Variants in WDHD1 observed in about 807,000 individuals in gnomAD.
WDHD1 encodes the protein WD repeat and HMG-box DNA binding protein 1.
Under a neutral mutation model 135.4 loss-of-function variants are expected in WDHD1, and 111 were observed. The ratio of observed to expected loss-of-function variants is 0.82; its 90% CI spans 0.70 to 0.96. The LOEUF is 0.96. Among genes scored for constraint, WDHD1 ranks in the 40% least tolerant of loss-of-function variants. WDHD1 has a pLI of 0.00. For missense variants in WDHD1, 1,351 were observed against 1,336.3 expected, an observed-to-expected ratio of 1.01 and a Z score of -0.17; for synonymous variants, 434 against 439.0, an observed-to-expected ratio of 0.99 and a Z score of 0.14.
At chr14:54,951,485 C>A (rs914237069) in intron 24 of WDHD1, among the ~76,000 whole-genome samples, 4 of 152,134 alleles carry the variant, frequency 2.6e-5, no homozygotes, top group African/African-American at 7.2e-5. Context: ...ATAACAGGCT[C>A]TGAAATTGAG....
At chr14:54,994,336 C>A (rs1488969749) in intron 11 of WDHD1, among the ~76,000 whole-genome samples, 2 of 152,012 alleles carry the variant, frequency 1.3e-5, no homozygotes, top group Admixed American at 6.6e-5. Context: ...CATAATATTG[C>A]CATTATGCCT....
At chr14:54,996,993 T>C (rs529548532) in intron 10 of WDHD1, among the ~76,000 whole-genome samples, 4 of 151,958 alleles carry the variant, frequency 2.6e-5, no homozygotes, top group African/African-American at 4.8e-5. Context: ...GGTTTCACCA[T>C]GTTGGCCAGG....
At chr14:54,941,772 G>A in intron 25 of WDHD1, 82 bp from the exon 26 acceptor site, 1 of 1,239,456 alleles carries the variant, frequency 8.1e-7, no homozygotes. Flanking sequence ...ACTTTTCCAG[G>A]TAATATTTTT....
chr14:54,995,874 T>C, intron 10 of WDHD1, 61 bp from the exon 11 acceptor site: 1 of 1,350,022 alleles, frequency 7.4e-7, no homozygotes, highest in Non-Finnish European at 9.8e-7. Context: ...ACTCAATTAC[T>C]AAAAAGGTAA....
At chr14:54,979,790 A>G (rs1453015653) in intron 16 of WDHD1, among the ~76,000 whole-genome samples, 1 of 152,244 alleles carries the variant, frequency 6.6e-6, no homozygotes, top group Admixed American at 6.5e-5. Context: ...CCGTGAGGTA[A>G]CTATTATTGT....
rs185319770 is a variant in WDHD1 at position 54,944,176 on chromosome 14, G to A, written c.3189+156C>T. On this transcript the variant is annotated intron_variant, in intron 25 of 25. Transcript: ENST00000360586. ...GATGTCTCACTATGTTGCCCAGGCT[G>A]GTCACGAACTCCTGAGCTCAAGTGA... Among the ~76,000 whole-genome samples, 123 of 151,906 alleles carry A rather than the reference G, an allele frequency of 8.1e-4. No individual in the cohort carries two copies. The Middle Eastern group carries it at 0.017, about 21-fold the overall frequency.
At position 55,007,336 on chromosome 14, in the gene WDHD1, C is replaced by T. The variant is rs1191728848; in HGVS notation, c.544G>A (p.Asp182Asn). ...CAGATTGATTTTGCATTTATCACATCGTTGCATTTTTGTAGCAGTGGCCAA... is the reference window on the plus strand; with the variant it reads ...CAGATTGATTTTGCATTTATCACATTGTTGCATTTTTGTAGCAGTGGCCAA... ...ISWPLLQKCNDVINAKSICRL... is the reference protein window; with the variant it reads ...ISWPLLQKCNNVINAKSICRL... Residue 182 changes from aspartate to asparagine, a missense_variant, in exon 7 of 26, where the codon GAT becomes AAT. By Grantham distance (23) the Asp-to-Asn change is conservative (BLOSUM62 1). Coordinates refer to ENST00000360586, the MANE Select transcript of WDHD1 (RefSeq NM_007086.4). The T allele has an allele frequency of 1.7e-5, 28 of 1,606,422 alleles. No individual in the cohort carries two copies. Among genetic ancestry groups the T allele is most frequent in the Non-Finnish European group, 2.0e-5 (24 of 1,177,686 alleles).
intron 3 of WDHD1, among the ~76,000 whole-genome samples, chr14:55,011,209 C>T (rs1028160474): frequency 6.6e-6 from 1 of 152,114 alleles, no homozygotes; most frequent in Non-Finnish European, 1.5e-5. Flanking sequence ...GCAGTACATG[C>T]TCACTGAACA....
intron 16 of WDHD1, among the ~76,000 whole-genome samples, chr14:54,968,843 C>A (rs1024944442): frequency 1.3e-5 from 2 of 152,082 alleles, no homozygotes; most frequent in African/African-American, 2.4e-5. Context: ...AAGTTTGACA[C>A]CACCCTGGGC....
At chr14:54,952,324 C>T (rs1426910833) in intron 24 of WDHD1, among the ~76,000 whole-genome samples, 1 of 152,166 alleles carries the variant, frequency 6.6e-6, no homozygotes, top group Non-Finnish European at 1.5e-5. Flanking sequence ...GTGCAAAAAT[C>T]GCAAGCATTC....
chr14:55,000,759 A>G, intron 9 of WDHD1, 115 bp from the exon 10 acceptor site: 1 of 1,044,908 alleles, frequency 9.6e-7, no homozygotes, highest in Non-Finnish European at 1.3e-6. Context: ...TAATTTATAA[A>G]TAATATAAAT....
chr14:54,998,837 T>C (rs2041931525), intron 10 of WDHD1, among the ~76,000 whole-genome samples: 1 of 152,206 alleles, frequency 6.6e-6, no homozygotes, highest in African/African-American at 2.4e-5. Flanking sequence ...TAAGATCATG[T>C]AAATGCTATT....
chr14:55,015,495 A>C (rs1247767959), intron 2 of WDHD1, among the ~76,000 whole-genome samples: 1 of 151,570 alleles, frequency 6.6e-6, no homozygotes. Context: ...ACACATGGTT[A>C]AATCTGTAAA....
intron 2 of WDHD1, among the ~76,000 whole-genome samples, chr14:55,015,322 G>C (rs904090484): frequency 3.5e-5 from 5 of 142,878 alleles, no homozygotes; most frequent in African/African-American, 7.8e-5. Context: ...AGGAAGCAGA[G>C]GATGCAGTGA....
intron 3 of WDHD1, among the ~76,000 whole-genome samples, chr14:55,012,265 A>G (rs1003524897): frequency 6.6e-6 from 1 of 152,192 alleles, no homozygotes; most frequent in Non-Finnish European, 1.5e-5. Flanking sequence ...TCTAAACATC[A>G]TCTTATCTAC....
At chr14:55,024,255 A>G (rs1394775150) in intron 2 of WDHD1, among the ~76,000 whole-genome samples, 1 of 152,196 alleles carries the variant, frequency 6.6e-6, no homozygotes, top group Non-Finnish European at 1.5e-5. Flanking sequence ...CTCTAGGTGA[A>G]TATCTCAAAG....
chr14:55,003,379 C>A (rs1265507659), intron 7 of WDHD1, among the ~76,000 whole-genome samples: 1 of 151,552 alleles, frequency 6.6e-6, no homozygotes, highest in Non-Finnish European at 1.5e-5. Flanking sequence ...CCATTGTGGG[C>A]GCGTGCCTCT....
At chr14:54,978,840 C>T (rs760265544) in intron 16 of WDHD1, among the ~76,000 whole-genome samples, 1 of 152,086 alleles carries the variant, frequency 6.6e-6, no homozygotes, top group Non-Finnish European at 1.5e-5. Context: ...AAAACAGAAG[C>T]CAAAAACAGA....
chr14:55,000,823 TAAAAC>T, intron 9 of WDHD1, 58 bp downstream of exon 9: 2 of 1,280,696 alleles, frequency 1.6e-6, no homozygotes, highest in Non-Finnish European at 1.0e-6. Flanking sequence ...TGTTTCAAAA[TAAAAC>T]AAATACAAAA....
Sources: allele counts gnomAD v4.1 joint callset (sites outside exome capture counted in the v4.1 genomes callset), GRCh38; gene constraint gnomAD v4.1.1; transcripts MANE v1.5; gene names NCBI Gene and HGNC (gene_info 2026-07-23, HGNC 2026-07-21).